SCAP: variants seen among roughly 807,000 people sequenced by gnomAD.
SCAP encodes the protein SREBF chaperone.
SCAP carries 65 observed loss-of-function variants against 123.6 expected under a neutral mutation model. That is an observed-to-expected ratio of 0.53 (90% confidence interval 0.43 to 0.65). SCAP has a LOEUF of 0.65. Among genes scored for constraint, SCAP ranks in the 30% least tolerant of loss-of-function variants. SCAP has a pLI of 0.00. For missense variants in SCAP, 1,398 were observed against 1,712.5 expected (o/e 0.82, Z 3.24); for synonymous variants, 740 against 726.3 (o/e 1.02, Z -0.30).
rs1341826284 is a variant in SCAP, at chr3:47,420,545, G to A, written c.1563+9C>T. 6 of 1,585,058 alleles carry A rather than the reference G, an allele frequency of 3.8e-6. No homozygotes were observed. The highest frequency in any genetic ancestry group is 2.1e-4 in the Middle Eastern group (1 of 4,706). Reference sequence around the variant, plus strand: ...GAAGAGGGCAGGGCAGGGCAGGGGTGGCAGGTACCATGATGAGGCGCTGTG... The same window carrying A: ...GAAGAGGGCAGGGCAGGGCAGGGGTAGCAGGTACCATGATGAGGCGCTGTG... On this transcript the variant is annotated intron_variant, in intron 12 of 22. Transcript: ENST00000265565. This position sits in a 1 kb window ranked among gnomAD's most constrained non-coding sequence, Gnocchi z 5.0.
At position 47,435,466 on chromosome 3, in the gene SCAP, AC is replaced by A. The variant is rs1706537579; in HGVS notation, c.123-330del. On this transcript the variant is annotated intron_variant, in intron 2 of 22. Coordinates refer to ENST00000265565, the MANE Select transcript of SCAP (RefSeq NM_012235.4). ...TATAACATTAACATATATAATATAA[AC>A]ATACACACACACACACACACACACA... Among the ~76,000 whole-genome samples, 5 of 37,604 alleles carry A rather than the reference AC, an allele frequency of 1.3e-4. No homozygotes were observed. In the Admixed American group the frequency reaches 1.9e-3, roughly 14 times the overall value. The allele number at this position is 37,604 out of a possible 152,430, so 24.7% of individuals were successfully genotyped here.
intron 6 of SCAP, among the ~76,000 whole-genome samples, chr3:47,426,599 G>A (rs934373561): frequency 2.0e-5 from 3 of 151,990 alleles, no homozygotes; most frequent in African/African-American, 4.8e-5. Context: ...CACCACGCCC[G>A]GCTAATTTTT....
intron 3 of SCAP, among the ~76,000 whole-genome samples, chr3:47,433,200 C>A (rs1706436501): frequency 6.6e-6 from 1 of 152,194 alleles, no homozygotes; most frequent in African/African-American, 2.4e-5. Flanking sequence ...TTCTTCATAA[C>A]TAAAACAGTC....
chr3:47,474,335 C>T (rs1299181428), intron 1 of SCAP, among the ~76,000 whole-genome samples: 3 of 151,438 alleles, frequency 2.0e-5, no homozygotes, highest in Non-Finnish European at 4.4e-5. Context: ...ATTTAAAAAG[C>T]CTAATTCTTT....
Position 47,415,309 on chromosome 3 carries a change from A to G in SCAP, c.3057-129T>C, listed in dbSNP as rs1269984978. 6 of 784,480 alleles carry G rather than the reference A, an allele frequency of 7.6e-6. No individual in the cohort carries two copies. In the Admixed American group the frequency reaches 1.9e-4, roughly 25 times the overall value. The allele number at this position is 784,480 out of a possible 1,614,324, so 48.6% of individuals were successfully genotyped here. ...AGGGACATGGCCAAGAGGAAAGCAC[A>G]TGGTGCCAGAACAGATGCTGGAGCC... On this transcript the variant is annotated intron_variant, in intron 18 of 22. Coordinates refer to ENST00000265565, the MANE Select transcript of SCAP (RefSeq NM_012235.4).
rs1383127137 is a variant in SCAP at position 47,419,715 on chromosome 3, G to T, written c.1564-11C>A. On this transcript the variant is annotated splice_polypyrimidine_tract_variant and intron_variant, in intron 12 of 22. Coordinates refer to ENST00000265565, the MANE Select transcript of SCAP (RefSeq NM_012235.4). The surrounding 1 kb of genome is among the most constrained non-coding windows in gnomAD (Gnocchi z 5.0). ...GACAACGGTGCCAGCCTGCAGTGGG[G>T]CAGGGGGTACTCAGTGGGAGGAATG... 1 of 1,516,316 alleles carries T rather than the reference G, an allele frequency of 6.6e-7. No individual in the cohort carries two copies. Among genetic ancestry groups the T allele is most frequent in the Admixed American group, 2.2e-5 (1 of 45,056 alleles). The allele number at this position is 1,516,316 out of a possible 1,614,324, so 93.9% of individuals were successfully genotyped here. A position where few individuals can be genotyped will look rare whatever the true frequency, so the allele number is the denominator to read the frequency against.
chr3:47,426,103 C>A lies in SCAP; in HGVS notation c.804G>T (p.Ala268=). ...TGAAGTGCACGTGGACCAGGCTCTCCGCCCGAAGGCTGCAGTTGGGGCTGG... is the reference window on the plus strand; with the variant it reads ...TGAAGTGCACGTGGACCAGGCTCTCAGCCCGAAGGCTGCAGTTGGGGCTGG... ...LHPSPNCSLR[A]ESLVHVHFKE... The change falls in exon 7 of 23, where the codon GCG becomes GCT. Residue 268 remains alanine (A), a synonymous_variant. Transcript: ENST00000265565. 1 of 1,613,976 alleles carries A rather than the reference C, an allele frequency of 6.2e-7. No homozygotes were observed. Among genetic ancestry groups the A allele is most frequent in the Non-Finnish European group, 8.5e-7 (1 of 1,179,932 alleles).
In SCAP at chr3:47,425,595, G is replaced by T; in HGVS notation, c.927C>A (p.Val309=). 1 of 1,614,048 alleles carries T rather than the reference G, an allele frequency of 6.2e-7. No homozygotes were observed. Among genetic ancestry groups the T allele is most frequent in the South Asian group, 1.1e-5 (1 of 91,062 alleles). Residue 309 remains valine (V), a synonymous_variant, in exon 8 of 23, where the codon GTC becomes GTA. Transcript: ENST00000265565. ...CCAGGGCCAGCCCCCACTTGGACTT[G>T]ACCATGTCGATCTTCCCTGGAGGGC... ...IYFSTRKIDM[V]KSKWGLALAA...
rs550604363 is a variant in SCAP at position 47,473,870 on chromosome 3, A to T, written c.-99+1929T>A. Among the ~76,000 whole-genome samples the T allele has an allele frequency of 3.9e-5, 6 of 152,298 alleles. No individual in the cohort carries two copies. In the East Asian group the frequency reaches 1.2e-3, roughly 29 times the overall value. Reference sequence around the variant, plus strand: ...TAGTAAACTTTTTACCCACCTAATGACAGTGACTGAGGGAACGGGGGAAGG... The same window carrying T: ...TAGTAAACTTTTTACCCACCTAATGTCAGTGACTGAGGGAACGGGGGAAGG... On this transcript the variant is annotated intron_variant, in intron 1 of 22. Transcript: ENST00000265565.
intron 6 of SCAP, among the ~76,000 whole-genome samples, chr3:47,426,786 C>T (rs1458672168): frequency 1.3e-5 from 2 of 152,184 alleles, no homozygotes; most frequent in African/African-American, 2.4e-5. Flanking sequence ...AGAAGCACCT[C>T]GAGTGCCCTT....
Position 47,417,269 on chromosome 3 carries a change from CAGCCGCTCTGCCCACCTTT to C in SCAP, c.2970+16_2970+34del, listed in dbSNP as rs1401599699. On this transcript the variant is annotated intron_variant, in intron 17 of 22. Coordinates refer to ENST00000265565, the MANE Select transcript of SCAP (RefSeq NM_012235.4). ...AAAGGCCCACAATCCCCGGGGCGGA[CAGCCGCTCTGCCCACCTTT>C]AGCCCCTCTGCCCACCTCCAGCCGG... 1 of 1,611,980 alleles carries C rather than the reference CAGCCGCTCTGCCCACCTTT, an allele frequency of 6.2e-7. No homozygotes were observed. The highest frequency in any genetic ancestry group is 1.1e-5 in the South Asian group (1 of 90,994).
Position 47,439,343 on chromosome 3 carries a change from A to G in SCAP, c.122+3529T>C, listed in dbSNP as rs1256731471. Among the ~76,000 whole-genome samples the G allele has an allele frequency of 3.3e-5, 5 of 152,152 alleles. No individual in the cohort carries two copies. The highest frequency in any genetic ancestry group is 1.2e-4 in the African/African-American group (5 of 41,418). On this transcript the variant is annotated intron_variant, in intron 2 of 22. Transcript: ENST00000265565. This position sits in a 1 kb window ranked among gnomAD's most constrained non-coding sequence, Gnocchi z 4.0. ...AGAATCACTTGAACCTGGGAGGCAG[A>G]GGTTGCAGTAAGCCATGATTGTGCC...
At chr3:47,462,052 A>G (rs1707661244) in intron 1 of SCAP, among the ~76,000 whole-genome samples, 1 of 152,180 alleles carries the variant, frequency 6.6e-6, no homozygotes, top group East Asian at 1.9e-4. Flanking sequence ...GCAATCTAGC[A>G]TTCAGATTTA....
At chr3:47,464,536 G>T (rs1707757954) in intron 1 of SCAP, among the ~76,000 whole-genome samples, 1 of 152,050 alleles carries the variant, frequency 6.6e-6, no homozygotes, top group African/African-American at 2.4e-5. Context: ...TGCAGAAAAA[G>T]CATTTAACAA....
chr3:47,457,318 CAA>C (rs1415255313), intron 1 of SCAP, among the ~76,000 whole-genome samples: 1 of 152,104 alleles, frequency 6.6e-6, no homozygotes, highest in Non-Finnish European at 1.5e-5. Context: ...AAATAATGAG[CAA>C]AGTTTCCTGT....
intron 1 of SCAP, chr3:47,469,991 C>A (rs1707971345): frequency 6.0e-6 from 2 of 333,568 alleles, no homozygotes. Flanking sequence ...ATTAAAATAA[C>A]CAAGGCATTC....
intron 3 of SCAP, 49 bp downstream of exon 3, chr3:47,434,959 T>C (rs1275119700): frequency 1.2e-6 from 2 of 1,613,224 alleles, no homozygotes; most frequent in Non-Finnish European, 1.7e-6. Context: ...CCTCAGCCAG[T>C]CTCCACCCAA....
Position 47,414,119 on chromosome 3 carries a change from A to T in SCAP, c.3595-20T>A. The T allele has an allele frequency of 6.2e-7, 1 of 1,613,446 alleles. No individual in the cohort carries two copies. The highest frequency in any genetic ancestry group is 8.5e-7 in the Non-Finnish European group (1 of 1,180,022). ...CAGGTCCTGGAGGCAAGGACATGACAAGCTCAGTCCTGAGTCCTTCCCTAA... is the reference window on the plus strand; with the variant it reads ...CAGGTCCTGGAGGCAAGGACATGACTAGCTCAGTCCTGAGTCCTTCCCTAA... On this transcript the variant is annotated intron_variant, in intron 22 of 22. Coordinates refer to ENST00000265565, the MANE Select transcript of SCAP (RefSeq NM_012235.4).
chr3:47,434,632 GT>G (rs1326563540), intron 3 of SCAP, among the ~76,000 whole-genome samples: 10 of 152,198 alleles, frequency 6.6e-5, no homozygotes, highest in African/African-American at 2.2e-4. Context: ...AAGGTCAGGA[GT>G]TCGAGACCAG....
Sources: gnomAD v4.1 joint callset for allele counts (sites outside exome capture counted in the v4.1 genomes callset) on GRCh38, gnomAD v4.1.1 for gene constraint, Gnocchi (gnomAD v3.1) non-coding constraint, MANE v1.5 for transcripts, NCBI Gene and HGNC (gene_info 2026-07-23, HGNC 2026-07-21) for gene names.